Variants in C12orf54 observed in about 807,000 individuals in gnomAD.
C12orf54 encodes the protein uncharacterized protein C12orf54.
Under a neutral mutation model 26.4 loss-of-function variants are expected in C12orf54, and 24 were observed. The observed-to-expected ratio is 0.91, with a 90% CI of 0.66 to 1.28. The LOEUF is 1.28. C12orf54 is among the 50% of genes most tolerant of loss of function. The pLI, the probability that C12orf54 is intolerant of heterozygous loss-of-function variation, is 0.00. For synonymous variants in C12orf54, 54 were observed against 47.0 expected, an observed-to-expected ratio of 1.15 and a Z score of -0.61; for missense variants, 154 against 150.9, an observed-to-expected ratio of 1.02 and a Z score of -0.11.
the C12orf54 span, among the ~76,000 whole-genome samples, chr12:48,469,804 TC>T: frequency 6.6e-6 from 1 of 152,194 alleles, no homozygotes; most frequent in African/African-American, 2.4e-5. Flanking sequence ...TGCTGTGGTT[TC>T]AGCCAGTCCC....
chr12:48,470,675 A>G, the C12orf54 span, among the ~76,000 whole-genome samples: 1 of 141,984 alleles, frequency 7.0e-6, no homozygotes, highest in African/African-American at 2.5e-5. Flanking sequence ...ATTAGGTCCC[A>G]CTGGTCCATT....
At chr12:48,454,096 G>GTTTTTT in the C12orf54 span, among the ~76,000 whole-genome samples, 2 of 94,278 alleles carry the variant, frequency 2.1e-5, no homozygotes, top group African/African-American at 3.4e-5. Context: ...TTTTTTGTTT[G>GTTTTTT]TTTTTTTTTT....
At chr12:48,454,036 G>A in the C12orf54 span, among the ~76,000 whole-genome samples, 7 of 151,572 alleles carry the variant, frequency 4.6e-5, no homozygotes, top group Admixed American at 3.3e-4. Flanking sequence ...TAAATCAGGG[G>A]CTCTAAATTA....
intron 2 of C12orf54, 139 bp from the exon 3 acceptor site, chr12:48,486,039 A>T: frequency 2.7e-6 from 2 of 731,848 alleles, no homozygotes; most frequent in South Asian, 3.6e-5. Context: ...TATGAGAGGC[A>T]GGACCGTGGC....
the C12orf54 span, among the ~76,000 whole-genome samples, chr12:48,452,705 T>C: frequency 1.3e-3 from 201 of 151,938 alleles, no homozygotes; most frequent in Non-Finnish European, 1.4e-3. Flanking sequence ...CATGAACAAA[T>C]ACATCTCAAA....
chr12:48,492,709 C>T (rs1453945602), intron 6 of C12orf54, among the ~76,000 whole-genome samples: 1 of 152,196 alleles, frequency 6.6e-6, no homozygotes, highest in Admixed American at 6.5e-5. Context: ...AACTCAGTTC[C>T]CAGCCCTGGA....
At chr12:48,417,991 G>A in the C12orf54 span, among the ~76,000 whole-genome samples, 61 of 152,134 alleles carry the variant, frequency 4.0e-4, no homozygotes, top group Non-Finnish European at 7.8e-4. Context: ...GCGTTGATGG[G>A]CACCTAGGTT....
chr12:48,486,928 C>G (rs180846145), intron 4 of C12orf54, among the ~76,000 whole-genome samples: 37 of 152,222 alleles, frequency 2.4e-4, no homozygotes, highest in African/African-American at 8.9e-4. Flanking sequence ...ATGTTAGTGC[C>G]CCTTCCTGGC....
chr12:48,473,767 G>A, the C12orf54 span: 1 of 172,824 alleles, frequency 5.8e-6, no homozygotes, highest in South Asian at 1.4e-4. Flanking sequence ...CAAGTCTCAG[G>A]TTGGGTGGAA....
At chr12:48,421,106 C>T in the C12orf54 span, among the ~76,000 whole-genome samples, 1 of 152,156 alleles carries the variant, frequency 6.6e-6, no homozygotes, top group African/African-American at 2.4e-5. Context: ...CATATTAGTC[C>T]ATTCTTGCAT....
At chr12:48,481,948 A>C (rs1330879022), upstream of C12orf54, among the ~76,000 whole-genome samples, 1 of 152,176 alleles carries the variant, frequency 6.6e-6, no homozygotes, top group Non-Finnish European at 1.5e-5. Flanking sequence ...TATATGCACC[A>C]TCACCAAAAG....
chr12:48,457,522 C>T, the C12orf54 span, among the ~76,000 whole-genome samples: 44 of 151,992 alleles, frequency 2.9e-4, no homozygotes, highest in South Asian at 4.2e-4. Context: ...TTAGTAGAGA[C>T]GGGTTTTCAC....
chr12:48,450,774 C>G, the C12orf54 span, among the ~76,000 whole-genome samples: 1 of 152,080 alleles, frequency 6.6e-6, no homozygotes, highest in Non-Finnish European at 1.5e-5. Context: ...AGCACTGAAC[C>G]AGGAAGAAAT....
the C12orf54 span, among the ~76,000 whole-genome samples, chr12:48,414,840 G>C: frequency 2.0e-5 from 3 of 152,146 alleles, no homozygotes; most frequent in Non-Finnish European, 4.4e-5. Flanking sequence ...AGGGACCAGC[G>C]TGGGGCCTCC....
intron 5 of C12orf54, 87 bp downstream of exon 5, chr12:48,489,043 C>T: frequency 1.6e-6 from 2 of 1,264,264 alleles, no homozygotes; most frequent in Middle Eastern, 1.9e-4. Flanking sequence ...GAGATGTTGC[C>T]TCTGACCAAG....
At chr12:48,473,018 A>G in the C12orf54 span, 2 of 1,614,188 alleles carry the variant, frequency 1.2e-6, no homozygotes, top group African/African-American at 1.3e-5. Flanking sequence ...TCGAGAGCTT[A>G]GACCTTTTCA....
At chr12:48,464,259 A>C in the C12orf54 span, among the ~76,000 whole-genome samples, 1 of 152,150 alleles carries the variant, frequency 6.6e-6, no homozygotes, top group Non-Finnish European at 1.5e-5. Context: ...AAAAATCAGT[A>C]GCATTTCTAT....
At chr12:48,433,947 G>A in the C12orf54 span, among the ~76,000 whole-genome samples, 3 of 152,170 alleles carry the variant, frequency 2.0e-5, no homozygotes, top group Admixed American at 6.5e-5. Context: ...CCATGCATGA[G>A]CCAAAGCAGG....
At position 48,489,070 on chromosome 12, in the gene C12orf54, T is replaced by C. The variant is rs200088977; in HGVS notation, c.168+114T>C. 1.7e-4 allele frequency: 175 copies of C among 1,043,536 alleles called. No homozygotes were observed. In the African/African-American group the frequency reaches 1.9e-3, roughly 11 times the overall value. 64.6% of individuals were successfully genotyped at this position (1,043,536 alleles called of 1,614,324 possible). A position where few individuals can be genotyped will look rare whatever the true frequency, so the allele number is the denominator to read the frequency against. On this transcript the variant is annotated intron_variant, in intron 5 of 8. Coordinates refer to ENST00000548364, the MANE Select transcript of C12orf54 (RefSeq NM_152319.4). ...CTGACCAAGGTTTTAGCTTCATTTA[T>C]TTTTCTAGTGATTTCTCCCTTAAAG...
Sources: allele counts gnomAD v4.1 joint callset (sites outside exome capture counted in the v4.1 genomes callset), GRCh38; gene constraint gnomAD v4.1.1; transcripts MANE v1.5; gene names NCBI Gene and HGNC (gene_info 2026-07-23, HGNC 2026-07-21).